Variants in AHCYL2 observed in about 807,000 individuals in gnomAD.
The protein encoded by AHCYL2 is S-adenosylhomocysteine hydrolase-like protein 2.
In AHCYL2, 28 loss-of-function variants were observed where a neutral mutation model predicts 81.4. That is an observed-to-expected ratio of 0.34 (90% CI 0.25 to 0.47). The LOEUF (loss-of-function observed/expected upper bound fraction) is 0.47, where lower values mean the gene tolerates loss of function less well. Ranked by LOEUF, AHCYL2 falls within the 20% of genes least tolerant of loss-of-function variation. The pLI is 1.00. For synonymous variants in AHCYL2, 272 were observed against 290.2 expected (o/e 0.94, Z 0.64); for missense variants, 551 against 785.1 (o/e 0.70, Z 3.56).
At chr7:129,265,598 T>C (rs188713147) in intron 1 of AHCYL2, among the ~76,000 whole-genome samples, 163 of 151,860 alleles carry the variant, frequency 1.1e-3, no homozygotes, top group African/African-American at 3.8e-3. Context: ...TGGAGTAGAG[T>C]AAGTAAGGGG....
chr7:129,273,877 A>G (rs1796106732), intron 1 of AHCYL2, among the ~76,000 whole-genome samples: 1 of 152,260 alleles, frequency 6.6e-6, no homozygotes, highest in African/African-American at 2.4e-5. Flanking sequence ...AGAAATCATA[A>G]TAATAAAAGA....
chr7:129,373,963 A>G (rs1794544674), intron 1 of AHCYL2, among the ~76,000 whole-genome samples: 1 of 152,188 alleles, frequency 6.6e-6, no homozygotes, highest in African/African-American at 2.4e-5. Flanking sequence ...CATTTCTGGT[A>G]GTGACATTGG....
intron 1 of AHCYL2, among the ~76,000 whole-genome samples, chr7:129,349,630 C>T (rs1178038734): frequency 3.0e-5 from 3 of 98,918 alleles, no homozygotes; most frequent in Non-Finnish European, 5.7e-5. Flanking sequence ...CCAGCCTGGG[C>T]AACAATGCAA....
intron 1 of AHCYL2, among the ~76,000 whole-genome samples, chr7:129,306,744 T>A (rs1797456919): frequency 1.3e-5 from 2 of 152,192 alleles, no homozygotes; most frequent in Non-Finnish European, 2.9e-5. Flanking sequence ...GGGAAGGCTT[T>A]CCAGATATTC....
intron 1 of AHCYL2, among the ~76,000 whole-genome samples, chr7:129,357,383 CTG>C (rs1416930465): frequency 1.3e-5 from 2 of 152,170 alleles, no homozygotes; most frequent in Non-Finnish European, 2.9e-5. Context: ...TATGGAAACT[CTG>C]TACTATTTTT....
rs1794191094 is a variant in AHCYL2 at position 129,368,043 on chromosome 7, T to C, written c.364-11595T>C. On this transcript the variant is annotated intron_variant, in intron 1 of 16. Coordinates refer to ENST00000325006, the MANE Select transcript of AHCYL2 (RefSeq NM_015328.4). The surrounding 1 kb of genome is among the most constrained non-coding windows in gnomAD (Gnocchi z 4.4). ...TGGGAGTGCCTTCCTGACCTCAGTC[T>C]TTATTGATCTTGGTATCCGCACCTC... The C allele has an allele frequency of 2.1e-6, 2 of 949,216 alleles. No homozygotes were observed. Among genetic ancestry groups the C allele is most frequent in the Non-Finnish European group, 1.3e-6 (1 of 795,856 alleles). The allele number at this position is 949,216 out of a possible 1,614,324, so 58.8% of individuals were successfully genotyped here.
chr7:129,375,586 T>C, intron 1 of AHCYL2: 1 of 1,264,002 alleles, frequency 7.9e-7, no homozygotes, highest in Non-Finnish European at 1.0e-6. Context: ...AGAGGATCCA[T>C]GTAATTAGGT....
chr7:129,309,431 G>A (rs543087207), intron 1 of AHCYL2, among the ~76,000 whole-genome samples: 91 of 151,710 alleles, frequency 6.0e-4, no homozygotes, highest in African/African-American at 2.1e-3. Context: ...TCCCAGCTAC[G>A]TGGGAGGTTA....
intron 1 of AHCYL2, among the ~76,000 whole-genome samples, chr7:129,266,695 T>C (rs1584722266): frequency 1.3e-5 from 2 of 152,292 alleles, no homozygotes; most frequent in Admixed American, 1.3e-4. Flanking sequence ...AGCTAGATAC[T>C]GAGGGCGGGG....
At chr7:129,423,112 G>C (rs1273675578) in intron 13 of AHCYL2, among the ~76,000 whole-genome samples, 174 bp downstream of exon 13, 2 of 152,190 alleles carry the variant, frequency 1.3e-5, no homozygotes, top group African/African-American at 4.8e-5. Flanking sequence ...CAGCAATTAA[G>C]AAACTATTTT....
intron 1 of AHCYL2, among the ~76,000 whole-genome samples, chr7:129,248,808 A>G (rs959881543): frequency 6.6e-5 from 10 of 152,010 alleles, no homozygotes; most frequent in Admixed American, 2.0e-4. Flanking sequence ...ATACATGAAC[A>G]TGGAACTTCT....
chr7:129,316,104 A>G (rs376306922), intron 1 of AHCYL2, among the ~76,000 whole-genome samples: 2 of 152,236 alleles, frequency 1.3e-5, no homozygotes, highest in East Asian at 1.9e-4. Context: ...TGGGCAGCTA[A>G]CAAAGAAGAA....
At chr7:129,246,230 G>A (rs1251971573) in intron 1 of AHCYL2, among the ~76,000 whole-genome samples, 1 of 152,050 alleles carries the variant, frequency 6.6e-6, no homozygotes, top group Non-Finnish European at 1.5e-5. Flanking sequence ...ATCTAATTTT[G>A]TGTTTTTAGT....
chr7:129,357,214 T>C (rs1301876653), intron 1 of AHCYL2, among the ~76,000 whole-genome samples: 1 of 152,120 alleles, frequency 6.6e-6, no homozygotes, highest in Non-Finnish European at 1.5e-5. Context: ...AAAAGGGGTA[T>C]TAGTGGAAAA....
At chr7:129,318,350 C>T (rs148026815) in intron 1 of AHCYL2, among the ~76,000 whole-genome samples, 203 of 152,350 alleles carry the variant, frequency 1.3e-3, no homozygotes, top group African/African-American at 4.8e-3. Context: ...CCGCCTCATG[C>T]TCTTGAGTAG....
At chr7:129,360,160 G>A (rs1173578263) in intron 1 of AHCYL2, among the ~76,000 whole-genome samples, 1 of 150,660 alleles carries the variant, frequency 6.6e-6, no homozygotes, top group Non-Finnish European at 1.5e-5. Context: ...TTGTTGCCCA[G>A]GCTGGAGTGC....
chr7:129,361,009 A>T (rs530025680), intron 1 of AHCYL2, among the ~76,000 whole-genome samples: 1 of 152,204 alleles, frequency 6.6e-6, no homozygotes, highest in Non-Finnish European at 1.5e-5. Context: ...TCCCAGCCAT[A>T]TTGTCATCAT....
chr7:129,268,643 C>T (rs1357651323), intron 1 of AHCYL2, among the ~76,000 whole-genome samples: 1 of 152,178 alleles, frequency 6.6e-6, no homozygotes, highest in Non-Finnish European at 1.5e-5. Flanking sequence ...TGAGCCACTG[C>T]ACCTGGCCGC....
intron 3 of AHCYL2, 126 bp from the exon 4 acceptor site, chr7:129,389,508 C>T: frequency 6.1e-6 from 5 of 821,758 alleles, no homozygotes; most frequent in African/African-American, 1.7e-5. Context: ...GTCTTGATCC[C>T]TGGAGAAACC....
Sources: gnomAD v4.1 joint callset for allele counts (sites outside exome capture counted in the v4.1 genomes callset) on GRCh38, gnomAD v4.1.1 for gene constraint, Gnocchi (gnomAD v3.1) non-coding constraint, MANE v1.5 for transcripts, NCBI Gene and HGNC (gene_info 2026-07-23, HGNC 2026-07-21) for gene names.